The following CHD2 variants were observed in gnomAD, a reference collection of about 807,000 sequenced individuals.
CHD2 encodes the protein ATP-dependent chromatin remodeler CHD2.
Under a neutral mutation model 243.9 loss-of-function variants are expected in CHD2, and 28 were observed. The ratio of observed to expected loss-of-function variants is 0.11; its 90% CI spans 0.09 to 0.16. The LOEUF (loss-of-function observed/expected upper bound fraction) is 0.16, where lower values mean the gene tolerates loss of function less well. Among genes scored for constraint, CHD2 ranks in the 10% least tolerant of loss-of-function variants. The pLI, the probability that CHD2 is intolerant of heterozygous loss-of-function variation, is 1.00. For synonymous variants in CHD2, 775 were observed against 779.0 expected (o/e 0.99, Z 0.09); for missense variants, 1,386 against 2,209.8 (o/e 0.63, Z 7.47).
chr15:92,997,423 T>C lies in CHD2; in HGVS notation c.3885+20T>C, dbSNP rs1192661930. On this transcript the variant is annotated intron_variant, in intron 30 of 38. Transcript: ENST00000394196. The surrounding 1 kb of genome is among the most constrained non-coding windows in gnomAD (Gnocchi z 4.1). The stretch of plus-strand genomic sequence containing the variant: ...GACAAAGTAAGTAACCCTACCATGC[T>C]AGAGATTTCTAGAAGATTTGTTGTG... 6.6e-7 allele frequency: 1 copy of C among 1,525,174 alleles called. No homozygotes were observed. Among genetic ancestry groups the C allele is most frequent in the East Asian group, 2.3e-5 (1 of 43,494 alleles). 94.5% of individuals were successfully genotyped at this position (1,525,174 alleles called of 1,614,324 possible).
Position 92,967,311 on chromosome 15 carries a change from T to C in CHD2, c.2001-14T>C. On this transcript the variant is annotated splice_polypyrimidine_tract_variant and intron_variant, in intron 16 of 38. Transcript: ENST00000394196. ...TCAATGTGGCTAAATAACACTATAC[T>C]GTTTCTTCCCTAGGTTTGAATTTTG... The C allele has an allele frequency of 6.3e-7, 1 of 1,590,356 alleles. No individual in the cohort carries two copies. The highest frequency in any genetic ancestry group is 8.6e-7 in the Non-Finnish European group (1 of 1,165,240).
chr15:92,921,092 C>T (rs948576163), intron 2 of CHD2, among the ~76,000 whole-genome samples: 5 of 151,740 alleles, frequency 3.3e-5, no homozygotes, highest in Admixed American at 3.3e-4. Flanking sequence ...TTTTCCATCT[C>T]GGTGGTGGTA....
At chr15:92,936,659 T>A (rs1008431418) in intron 5 of CHD2, among the ~76,000 whole-genome samples, 7 of 152,322 alleles carry the variant, frequency 4.6e-5, no homozygotes, top group South Asian at 2.1e-4. Flanking sequence ...GGTTTATTGT[T>A]GAAAAATAAT....
At chr15:92,906,655 A>G (rs1313241151) in intron 2 of CHD2, among the ~76,000 whole-genome samples, 1 of 132,216 alleles carries the variant, frequency 7.6e-6, no homozygotes, top group East Asian at 2.4e-4. Context: ...TTTTCTTGCT[A>G]TGAGCCATCT....
intron 34 of CHD2, among the ~76,000 whole-genome samples, chr15:93,007,313 C>G (rs917350321): frequency 1.1e-4 from 17 of 152,334 alleles, no homozygotes; most frequent in Non-Finnish European, 7.4e-5. Flanking sequence ...AGTGGTCATT[C>G]ATGTTCCTTG....
rs1228024255 is a variant in CHD2, at chr15:92,901,347, A to G, written c.62+48A>G. Reference sequence around the variant, plus strand: ...CTTTTTGTCTTTTTTTTTGGGGGAGAAACCTCAGCTTACAATTGTTTACCT... The same window carrying G: ...CTTTTTGTCTTTTTTTTTGGGGGAGGAACCTCAGCTTACAATTGTTTACCT... On this transcript the variant is annotated intron_variant, in intron 2 of 38. Coordinates refer to ENST00000394196, the MANE Select transcript of CHD2 (RefSeq NM_001271.4). The G allele has an allele frequency of 2.7e-6, 3 of 1,115,878 alleles. No homozygotes were observed. The East Asian group carries it at 7.4e-5, about 27-fold the overall frequency. The allele number at this position is 1,115,878 out of a possible 1,614,324, so 69.1% of individuals were successfully genotyped here. A position where few individuals can be genotyped will look rare whatever the true frequency, so the allele number is the denominator to read the frequency against.
rs1042419958 is a variant in CHD2, at chr15:92,998,890, T to C, written c.4008+269T>C. On this transcript the variant is annotated intron_variant, in intron 31 of 38. Transcript: ENST00000394196. This position sits in a 1 kb window ranked among gnomAD's most constrained non-coding sequence, Gnocchi z 5.1. The stretch of plus-strand genomic sequence containing the variant: ...CAAGGTCAGGAGATTGAGACCATCC[T>C]GGCTAATATGGTGAAACCCCGTCTC... Among the ~76,000 whole-genome samples, 1 of 152,006 alleles carries C rather than the reference T, an allele frequency of 6.6e-6. No individual in the cohort carries two copies. Among genetic ancestry groups the C allele is most frequent in the Admixed American group, 6.6e-5 (1 of 15,258 alleles).
chr15:92,957,230 A>G (rs1018208288), intron 16 of CHD2, among the ~76,000 whole-genome samples: 3 of 152,184 alleles, frequency 2.0e-5, no homozygotes, highest in Admixed American at 2.0e-4. Flanking sequence ...GATTCCTCTC[A>G]TCCACTTTCT....
intron 35 of CHD2, 67 bp from the exon 36 acceptor site, chr15:93,012,278 A>G (rs2054403036): frequency 4.0e-6 from 4 of 1,010,718 alleles, no homozygotes; most frequent in South Asian, 1.5e-5. Context: ...CTTGCCATCC[A>G]TGAAGATCAT....
chr15:92,950,829 C>T (rs1414099655), intron 13 of CHD2, among the ~76,000 whole-genome samples: 1 of 151,796 alleles, frequency 6.6e-6, no homozygotes, highest in Non-Finnish European at 1.5e-5. Flanking sequence ...TATAGAGATG[C>T]ATTTACAGTG....
intron 24 of CHD2, among the ~76,000 whole-genome samples, chr15:92,982,114 G>C (rs770299470): frequency 6.6e-6 from 1 of 152,200 alleles, no homozygotes; most frequent in African/African-American, 2.4e-5. Flanking sequence ...TGAGTATAGG[G>C]AGATATTGAA....
chr15:92,933,052 T>C (rs891903392), intron 5 of CHD2, among the ~76,000 whole-genome samples: 4 of 151,546 alleles, frequency 2.6e-5, no homozygotes, highest in Non-Finnish European at 5.9e-5. Context: ...CCTTTTTTTT[T>C]TTTTTTTTAA....
chr15:92,910,459 C>A (rs766891077), intron 2 of CHD2, among the ~76,000 whole-genome samples: 4 of 152,108 alleles, frequency 2.6e-5, no homozygotes, highest in Non-Finnish European at 5.9e-5. Flanking sequence ...GTGGCGCCGT[C>A]TCAGCTCATT....
chr15:92,967,093 T>A (rs1369077738), intron 16 of CHD2, among the ~76,000 whole-genome samples: 1 of 152,190 alleles, frequency 6.6e-6, no homozygotes, highest in East Asian at 1.9e-4. Flanking sequence ...TAGACTGAAG[T>A]ATTTTATTAA....
intron 16 of CHD2, among the ~76,000 whole-genome samples, chr15:92,966,408 A>G (rs953351628): frequency 5.9e-5 from 9 of 151,984 alleles, no homozygotes; most frequent in African/African-American, 1.9e-4. Context: ...ATTAGTTTTA[A>G]TTCCTCACCT....
intron 5 of CHD2, among the ~76,000 whole-genome samples, chr15:92,934,135 C>A (rs953551955): frequency 2.0e-5 from 3 of 152,142 alleles, no homozygotes; most frequent in African/African-American, 7.2e-5. Flanking sequence ...TAATAGCAAG[C>A]CTTACCAACT....
chr15:92,971,449 A>ATG (rs200032060), intron 17 of CHD2, among the ~76,000 whole-genome samples: 13 of 151,964 alleles, frequency 8.6e-5, no homozygotes, highest in Admixed American at 2.0e-4. Context: ...GTATGTATGT[A>ATG]TGTGTGTGTG....
At chr15:92,924,582 G>A (rs775121123) in intron 3 of CHD2, 30 bp downstream of exon 3, 2 of 1,570,306 alleles carry the variant, frequency 1.3e-6, no homozygotes, top group South Asian at 2.2e-5. Context: ...GTACAAATGT[G>A]CTGCTAGCCT....
At position 93,024,677 on chromosome 15, in the gene CHD2, A is replaced by G; in HGVS notation, c.5459A>G (p.Asp1820Gly). 1 of 1,612,692 alleles carries G rather than the reference A, an allele frequency of 6.2e-7. No individual in the cohort carries two copies. The highest frequency in any genetic ancestry group is 8.5e-7 in the Non-Finnish European group (1 of 1,179,206). Residue 1820 changes from aspartate to glycine, a missense_variant, in exon 39 of 39, where the codon GAT (aspartate) becomes GGT (glycine). Around this residue, in one of 19 missense-constraint regions of CHD2, gnomAD observed 347 missense variants for 341.6 expected, o/e 1.02. Transcript: ENST00000394196. Reference sequence around the variant, plus strand: ...TCACTAGAACAGAAAAACAACCCAGATTATAACTGGAATGTTCGGAAAACA... The same window carrying G: ...TCACTAGAACAGAAAAACAACCCAGGTTATAACTGGAATGTTCGGAAAACA... The part of the protein sequence containing the change: ...ERSLEQKNNP[D>G]YNWNVRKT
Sources: allele counts gnomAD v4.1 joint callset (sites outside exome capture counted in the v4.1 genomes callset), GRCh38; gene constraint gnomAD v4.1.1; regional missense constraint gnomAD v4.1.1; non-coding constraint Gnocchi (gnomAD v3.1); transcripts MANE v1.5; gene names NCBI Gene and HGNC (gene_info 2026-07-23, HGNC 2026-07-21).